The following B3GAT2 variants were observed in gnomAD, a reference collection of about 807,000 sequenced individuals.
The protein encoded by B3GAT2 is beta-1,3-glucuronyltransferase 2, also known as galactosylgalactosylxylosylprotein 3-beta-glucuronosyltransferase 2.
B3GAT2 carries 26 observed loss-of-function variants against 27.8 expected under a neutral mutation model. That is an observed-to-expected ratio of 0.93 (90% CI 0.68 to 1.30). The LOEUF is 1.30. Ranked by LOEUF, B3GAT2 falls within the 50% of genes most tolerant of loss-of-function variation. The pLI is 0.00. For synonymous variants in B3GAT2, 218 were observed against 195.1 expected, an observed-to-expected ratio of 1.12 and a Z score of -0.98; for missense variants, 458 against 459.0, an observed-to-expected ratio of 1.00 and a Z score of 0.02.
intron 1 of B3GAT2, among the ~76,000 whole-genome samples, chr6:70,942,675 G>C (rs961218802): frequency 2.0e-5 from 3 of 152,182 alleles, no homozygotes; most frequent in African/African-American, 7.2e-5. Flanking sequence ...TCAGGGAGCT[G>C]AAATACTCCC....
At chr6:70,876,925 G>A (rs534550833) in intron 2 of B3GAT2, among the ~76,000 whole-genome samples, 1 of 152,292 alleles carries the variant, frequency 6.6e-6, no homozygotes, top group Admixed American at 6.5e-5. Context: ...TAAGGGCTTT[G>A]GAGACACTGA....
chr6:70,889,651 C>T (rs1398793531), intron 2 of B3GAT2, among the ~76,000 whole-genome samples: 1 of 152,132 alleles, frequency 6.6e-6, no homozygotes, highest in Non-Finnish European at 1.5e-5. Context: ...GCCATTGCAC[C>T]CTTCCTCTTC....
At chr6:70,924,589 G>A (rs903193586) in intron 1 of B3GAT2, among the ~76,000 whole-genome samples, 3 of 152,244 alleles carry the variant, frequency 2.0e-5, no homozygotes, top group African/African-American at 7.2e-5. Flanking sequence ...AGAGAGCCCA[G>A]AAATAAACCC....
intron 1 of B3GAT2, among the ~76,000 whole-genome samples, chr6:70,921,114 T>A (rs950787463): frequency 3.3e-5 from 5 of 152,176 alleles, no homozygotes; most frequent in Non-Finnish European, 7.3e-5. Context: ...GGGATGGTTG[T>A]CTTGTATAGT....
intron 1 of B3GAT2, among the ~76,000 whole-genome samples, chr6:70,935,966 TAA>T (rs775951669): frequency 6.6e-6 from 1 of 151,444 alleles, no homozygotes; most frequent in South Asian, 2.1e-4. Flanking sequence ...GCAAATTGGA[TAA>T]AGAGTCAAGA....
chr6:70,865,365 C>A (rs1771832734), intron 2 of B3GAT2, among the ~76,000 whole-genome samples: 1 of 152,092 alleles, frequency 6.6e-6, no homozygotes, highest in Non-Finnish European at 1.5e-5. Context: ...TTATCTGCCC[C>A]CCTCGGCCTC....
intron 1 of B3GAT2, among the ~76,000 whole-genome samples, chr6:70,902,015 ATAAAG>A (rs1250877831): frequency 2.0e-5 from 3 of 152,264 alleles, no homozygotes; most frequent in Admixed American, 1.3e-4. Context: ...TTTAATATAA[ATAAAG>A]TAATACTGCT....
chr6:70,900,404 C>G (rs866086557), intron 1 of B3GAT2, among the ~76,000 whole-genome samples: 5 of 130,394 alleles, frequency 3.8e-5, no homozygotes, highest in African/African-American at 1.3e-4. Context: ...TAACAACAAC[C>G]GGCTCTTTTT....
At chr6:70,952,253 T>G (rs1333402775) in intron 1 of B3GAT2, among the ~76,000 whole-genome samples, 1 of 152,216 alleles carries the variant, frequency 6.6e-6, no homozygotes, top group East Asian at 1.9e-4. Context: ...CACTGACTCC[T>G]TTGATAACCC....
At chr6:70,866,880 A>C (rs1258825518) in intron 2 of B3GAT2, among the ~76,000 whole-genome samples, 3 of 152,236 alleles carry the variant, frequency 2.0e-5, no homozygotes, top group African/African-American at 7.2e-5. Flanking sequence ...TAAAGTACAC[A>C]TGGAACATTA....
intron 1 of B3GAT2, among the ~76,000 whole-genome samples, chr6:70,912,888 T>C (rs1167235902): frequency 6.6e-6 from 1 of 152,210 alleles, no homozygotes; most frequent in Non-Finnish European, 1.5e-5. Flanking sequence ...TTCTTCCTTG[T>C]TCAGTCTTGG....
At chr6:70,888,611 C>T (rs1772230859) in intron 2 of B3GAT2, among the ~76,000 whole-genome samples, 2 of 152,180 alleles carry the variant, frequency 1.3e-5, no homozygotes, top group South Asian at 4.1e-4. Context: ...TCATCCCACA[C>T]TGCCAACATG....
chr6:70,924,942 T>C (rs1304832204), intron 1 of B3GAT2, among the ~76,000 whole-genome samples: 22 of 152,222 alleles, frequency 1.4e-4, no homozygotes, highest in Admixed American at 1.4e-3. Flanking sequence ...AATATCACTA[T>C]TATAGATCCT....
At chr6:70,905,271 C>G (rs1772582359) in intron 1 of B3GAT2, among the ~76,000 whole-genome samples, 1 of 152,184 alleles carries the variant, frequency 6.6e-6, no homozygotes, top group Non-Finnish European at 1.5e-5. Flanking sequence ...GGAAGTCCCC[C>G]TAACCACAGG....
chr6:70,858,563 T>C lies in B3GAT2; in HGVS notation c.*3100A>G, dbSNP rs1261264319. On this transcript the variant is annotated 3_prime_UTR_variant, in exon 4 of 4. Coordinates refer to ENST00000230053, the MANE Select transcript of B3GAT2 (RefSeq NM_080742.3). ...GACTCCCTCTCTGTCACCTCTGAGA[T>C]TAGCACTAAGCTTTATCCAGCTTGC... 1.0e-5 allele frequency: 2 copies of C among 191,766 alleles called. No individual in the cohort carries two copies. Among genetic ancestry groups the C allele is most frequent in the East Asian group, 3.0e-4 (2 of 6,760 alleles). The allele number at this position is 191,766 out of a possible 1,614,324, so 11.9% of individuals were successfully genotyped here.
At position 70,956,547 on chromosome 6, in the gene B3GAT2, A is replaced by ATGGGGCCGAGGGCGCTGCAGAGACC; in HGVS notation, c.-143_-119dup. 1 of 1,501,752 alleles carries ATGGGGCCGAGGGCGCTGCAGAGACC rather than the reference A, an allele frequency of 6.7e-7. No homozygotes were observed. The highest frequency in any genetic ancestry group is 8.9e-7 in the Non-Finnish European group (1 of 1,128,196). The allele number at this position is 1,501,752 out of a possible 1,614,324, so 93.0% of individuals were successfully genotyped here. On this transcript the variant is annotated 5_prime_UTR_variant, in exon 1 of 4. It adds an upstream start codon to the 5' untranslated region. Transcript: ENST00000230053. ...GGGAGTGGTGATGGGTGCGCTGTCC[A>ATGGGGCCGAGGGCGCTGCAGAGACC]TGGGGCCGAGGGCGCTGCAGAGACC...
chr6:70,859,576 A>C lies in B3GAT2; in HGVS notation c.*2087T>G. On this transcript the variant is annotated 3_prime_UTR_variant, in exon 4 of 4. Transcript: ENST00000230053. ...TTTTAAACCCACTCACTATATGGTA[A>C]ATCTTGCCTTTCCTTCTCTTATCAC... is the stretch of plus-strand genomic sequence containing the variant. The C allele has an allele frequency of 2.2e-6, 1 of 454,688 alleles. No individual in the cohort carries two copies. The highest frequency in any genetic ancestry group is 4.7e-5 in the South Asian group (1 of 21,182). The allele number at this position is 454,688 out of a possible 1,614,324, so 28.2% of individuals were successfully genotyped here.
intron 1 of B3GAT2, among the ~76,000 whole-genome samples, chr6:70,915,430 T>C (rs1178559150): frequency 1.3e-5 from 2 of 152,248 alleles, no homozygotes; most frequent in Admixed American, 1.3e-4. Context: ...TTTGTCAATT[T>C]TGGCTTTTGT....
At chr6:70,930,854 A>G (rs1191614338) in intron 1 of B3GAT2, among the ~76,000 whole-genome samples, 1 of 152,220 alleles carries the variant, frequency 6.6e-6, no homozygotes, top group East Asian at 1.9e-4. Flanking sequence ...AAAGGATTAT[A>G]AATCATGCTA....
Sources: allele counts gnomAD v4.1 joint callset (sites outside exome capture counted in the v4.1 genomes callset), GRCh38; gene constraint gnomAD v4.1.1; transcripts MANE v1.5; gene names NCBI Gene and HGNC (gene_info 2026-07-23, HGNC 2026-07-21).